The following FAF1 variants were observed in gnomAD, a reference collection of about 807,000 sequenced individuals.
The protein encoded by FAF1 is Fas associated factor 1.
FAF1 carries 25 observed loss-of-function variants against 92.5 expected under a neutral mutation model. That is an observed-to-expected ratio of 0.27 (90% confidence interval 0.20 to 0.38). The LOEUF is 0.38. Among genes scored for constraint, FAF1 ranks in the 10% least tolerant of loss-of-function variants. FAF1 has a pLI of 1.00. For synonymous variants in FAF1, 234 were observed against 273.2 expected, an observed-to-expected ratio of 0.86 and a Z score of 1.42; for missense variants, 636 against 793.3, an observed-to-expected ratio of 0.80 and a Z score of 2.38.
In FAF1 at chr1:50,516,640, T is replaced by C. The variant is rs3789578; in HGVS notation, c.1494+18729A>G. ...GACAGCTCCTTTCTTGACAAAAGAC[T>C]AAGAAGCAAATGCAAAATGGCTCTC... is the stretch of plus-strand genomic sequence containing the variant. On this transcript the variant is annotated intron_variant, in intron 15 of 18. Coordinates refer to ENST00000396153, the MANE Select transcript of FAF1 (RefSeq NM_007051.3). 6.0e-4 allele frequency among the ~76,000 whole-genome samples: 91 copies of C among 152,334 alleles called. 1 individual carries two copies. In the East Asian group the frequency reaches 0.013, roughly 23 times the overall value.
chr1:50,724,669 A>G (rs1569840215), intron 6 of FAF1, among the ~76,000 whole-genome samples: 1 of 152,182 alleles, frequency 6.6e-6, no homozygotes, highest in Non-Finnish European at 1.5e-5. Context: ...CCCTTCCTCC[A>G]TTCTAGATTT....
chr1:50,752,691 T>C (rs182411340), intron 4 of FAF1, among the ~76,000 whole-genome samples: 1 of 152,232 alleles, frequency 6.6e-6, no homozygotes, highest in East Asian at 1.9e-4. Flanking sequence ...TTTGGTTTTG[T>C]TTTGTTTTTT....
chr1:50,749,010 A>G (rs927356434), intron 4 of FAF1, among the ~76,000 whole-genome samples: 3 of 152,244 alleles, frequency 2.0e-5, no homozygotes, highest in African/African-American at 7.2e-5. Flanking sequence ...GTGATTAACT[A>G]TCATAAAAAT....
chr1:50,679,921 G>A (rs1656347095), intron 7 of FAF1, among the ~76,000 whole-genome samples: 5 of 152,054 alleles, frequency 3.3e-5, no homozygotes, highest in Admixed American at 3.3e-4. Context: ...TCAATTTCTG[G>A]TAAATGACTT....
At chr1:50,834,512 T>C (rs1171462189) in intron 2 of FAF1, among the ~76,000 whole-genome samples, 3 of 152,232 alleles carry the variant, frequency 2.0e-5, no homozygotes, top group Non-Finnish European at 2.9e-5. Context: ...ATGGATGAGA[T>C]AATTGAGGCC....
chr1:50,739,002 T>TCCC (rs1345049197), intron 5 of FAF1, 48 bp from the exon 6 acceptor site: 2 of 1,141,978 alleles, frequency 1.8e-6, no homozygotes, highest in Non-Finnish European at 1.3e-6. Flanking sequence ...TGTTGATTAT[T>TCCC]CATTATTGAT....
chr1:50,610,949 CAG>C (rs1437320651), intron 8 of FAF1, among the ~76,000 whole-genome samples: 1 of 152,196 alleles, frequency 6.6e-6, no homozygotes, highest in African/African-American at 2.4e-5. Context: ...AAAAAACATT[CAG>C]AGAGCTACAA....
At chr1:50,877,463 T>A (rs1411488672) in intron 1 of FAF1, among the ~76,000 whole-genome samples, 2 of 152,156 alleles carry the variant, frequency 1.3e-5, no homozygotes, top group East Asian at 3.8e-4. Context: ...TAATGTGGTA[T>A]CTTAGATGGC....
chr1:50,659,247 GA>G (rs1021070472), intron 7 of FAF1, among the ~76,000 whole-genome samples: 10 of 151,774 alleles, frequency 6.6e-5, no homozygotes, highest in Admixed American at 6.6e-5. Flanking sequence ...AAGAAAGAGG[GA>G]GGGGGAAGGG....
chr1:50,732,269 G>T (rs1330794786), intron 6 of FAF1, among the ~76,000 whole-genome samples: 1 of 151,864 alleles, frequency 6.6e-6, no homozygotes, highest in East Asian at 1.9e-4. Context: ...TAGAGACGGG[G>T]TTTCACCATG....
chr1:50,957,564 A>G (rs1645279212), intron 1 of FAF1, among the ~76,000 whole-genome samples: 1 of 151,824 alleles, frequency 6.6e-6, no homozygotes, highest in South Asian at 2.1e-4. Flanking sequence ...CATGTTCACC[A>G]GGATGGTCTT....
chr1:50,606,935 G>A (rs539947148), intron 8 of FAF1: 25 of 152,272 alleles, frequency 1.6e-4, no homozygotes, highest in African/African-American at 5.5e-4. Context: ...CAATTCCTGC[G>A]AGAGGAACTA....
At chr1:50,879,256 AAATGAATGAATGAATG>A (rs57298510) in intron 1 of FAF1, among the ~76,000 whole-genome samples, 2 of 151,070 alleles carry the variant, frequency 1.3e-5, no homozygotes, top group African/African-American at 4.8e-5. Context: ...AAAAATAAAC[AAATGAATGAATGAATG>A]AATGAATGAA....
intron 4 of FAF1, among the ~76,000 whole-genome samples, chr1:50,783,785 G>C (rs1661265909): frequency 6.6e-6 from 1 of 152,134 alleles, no homozygotes; most frequent in African/African-American, 2.4e-5. Context: ...CGAGGCATGA[G>C]AATCACTTGA....
At chr1:50,535,299 T>A in intron 15 of FAF1, 70 bp downstream of exon 15, 1 of 1,019,438 alleles carries the variant, frequency 9.8e-7, no homozygotes, top group Non-Finnish European at 1.5e-6. Context: ...TAGGCATGTA[T>A]CATCATTTGA....
At chr1:50,749,944 C>CA (rs1425126019) in intron 4 of FAF1, among the ~76,000 whole-genome samples, 1 of 152,002 alleles carries the variant, frequency 6.6e-6, no homozygotes, top group African/African-American at 2.4e-5. Context: ...CTAAGGAACT[C>CA]AAAAAATGTT....
At chr1:50,470,524 C>T (rs1646558273) in intron 18 of FAF1, among the ~76,000 whole-genome samples, 1 of 152,158 alleles carries the variant, frequency 6.6e-6, no homozygotes. Context: ...ATATTTGTAA[C>T]TCAAATTTGA....
At chr1:50,479,408 C>T (rs888784461) in intron 17 of FAF1, among the ~76,000 whole-genome samples, 3 of 151,952 alleles carry the variant, frequency 2.0e-5, no homozygotes, top group African/African-American at 7.3e-5. Context: ...CTGTCCCTGA[C>T]GCCACTTAGC....
At chr1:50,548,354 G>C (rs1349776953) in intron 13 of FAF1, among the ~76,000 whole-genome samples, 2 of 152,164 alleles carry the variant, frequency 1.3e-5, no homozygotes, top group African/African-American at 4.8e-5. Context: ...GGGAGAACTT[G>C]ATGTTGTAAG....
Sources: gnomAD v4.1 joint callset for allele counts (sites outside exome capture counted in the v4.1 genomes callset) on GRCh38, gnomAD v4.1.1 for gene constraint, MANE v1.5 for transcripts, NCBI Gene and HGNC (gene_info 2026-07-23, HGNC 2026-07-21) for gene names.